Variants in CWF19L2 observed in about 807,000 individuals in gnomAD.
CWF19L2 encodes CWF19-like protein 2.
CWF19L2 carries 98 observed loss-of-function variants against 111.7 expected under a neutral mutation model. The observed-to-expected ratio is 0.88, with a 90% CI of 0.75 to 1.04. The LOEUF (loss-of-function observed/expected upper bound fraction) is 1.04, where lower values mean the gene tolerates loss of function less well. Among genes scored for constraint, CWF19L2 ranks in the 50% least tolerant of loss-of-function variants. The pLI, the probability that CWF19L2 is intolerant of heterozygous loss-of-function variation, is 0.00. For missense variants in CWF19L2, 1,101 were observed against 1,051.4 expected (o/e 1.05, Z -0.65); for synonymous variants, 351 against 342.9 (o/e 1.02, Z -0.26).
intron 12 of CWF19L2, among the ~76,000 whole-genome samples, 191 bp downstream of exon 12, chr11:107,389,880 AAAC>A (rs1223042804): frequency 2.6e-5 from 4 of 152,208 alleles, no homozygotes; most frequent in Admixed American, 6.5e-5. Context: ...ATTTAAAAAC[AAAC>A]AACATTTCAA....
At chr11:107,404,372 T>A in intron 10 of CWF19L2, 1 of 788,984 alleles carries the variant, frequency 1.3e-6, no homozygotes, top group Non-Finnish European at 2.3e-6. Flanking sequence ...GTACCTCATG[T>A]AGGGCATCAG....
chr11:107,390,012 T>A (rs544885410), intron 12 of CWF19L2, 62 bp downstream of exon 12: 3 of 1,398,744 alleles, frequency 2.1e-6, no homozygotes, highest in African/African-American at 2.9e-5. Context: ...AAAAAGCAGA[T>A]CACTGTTACA....
In CWF19L2 at chr11:107,433,621, A is replaced by G; in HGVS notation, c.780+13T>C. 1 of 1,371,502 alleles carries G rather than the reference A, an allele frequency of 7.3e-7. No individual in the cohort carries two copies. The highest frequency in any genetic ancestry group is 1.0e-6 in the Non-Finnish European group (1 of 1,002,832). The allele number at this position is 1,371,502 out of a possible 1,614,324, so 85.0% of individuals were successfully genotyped here. On this transcript the variant is annotated intron_variant, in intron 7 of 17. Coordinates refer to ENST00000282251, the MANE Select transcript of CWF19L2 (RefSeq NM_152434.3). ...CTGAAAATAAGAGGCATCTCCTTAA[A>G]ACAGATACTCACCCCATATCTTTCG...
At chr11:107,441,397 T>C (rs1861616476) in intron 5 of CWF19L2, 106 bp downstream of exon 5, 4 of 972,694 alleles carry the variant, frequency 4.1e-6, no homozygotes, top group Non-Finnish European at 5.6e-6. Flanking sequence ...TTAAATACTA[T>C]AAAAAATAAA....
chr11:107,399,231 G>A (rs763665608), intron 10 of CWF19L2, among the ~76,000 whole-genome samples: 2 of 152,058 alleles, frequency 1.3e-5, no homozygotes, highest in Non-Finnish European at 2.9e-5. Context: ...TGCTAACATC[G>A]AATGAATGTA....
At chr11:107,358,624 T>C (rs1436278650) in intron 12 of CWF19L2, among the ~76,000 whole-genome samples, 2 of 152,234 alleles carry the variant, frequency 1.3e-5, no homozygotes, top group East Asian at 1.9e-4. Context: ...TATGATTCCA[T>C]TCATATGAAA....
At chr11:107,447,821 T>C (rs11212243) in intron 3 of CWF19L2, among the ~76,000 whole-genome samples, 4,199 of 152,108 alleles carry the variant, frequency 0.028, 109 homozygotes, top group East Asian at 0.11. Flanking sequence ...AGAAAAATCA[T>C]TTAATTGAAA....
intron 14 of CWF19L2, among the ~76,000 whole-genome samples, chr11:107,346,114 A>C (rs1860076309): frequency 6.6e-6 from 1 of 152,220 alleles, no homozygotes; most frequent in South Asian, 2.1e-4. Context: ...TCACCACAGT[A>C]TGAAAAAATC....
In CWF19L2 at chr11:107,390,074, C is replaced by T; in HGVS notation, c.1872G>A (p.Lys624=). Reference sequence around the variant, plus strand: ...GAGGTATCCTAGGAATATATCTTACCTTAGATGCCATTCTCATAAAGAGCT... The same window carrying T: ...GAGGTATCCTAGGAATATATCTTACTTTAGATGCCATTCTCATAAAGAGCT... The part of the protein sequence containing the change: ...QNKLFMRMAS[K]FMGKTDGDYY... Residue 624 remains lysine (K), a splice_region_variant and synonymous_variant, in exon 12 of 18, where the codon AAG becomes AAA. Coordinates refer to ENST00000282251, the MANE Select transcript of CWF19L2 (RefSeq NM_152434.3). 3 of 1,612,198 alleles carry T rather than the reference C, an allele frequency of 1.9e-6. No homozygotes were observed.
chr11:107,355,415 C>CAA, intron 12 of CWF19L2, among the ~76,000 whole-genome samples: 1 of 141,510 alleles, frequency 7.1e-6, no homozygotes, highest in Non-Finnish European at 1.6e-5. Flanking sequence ...AACTCCGTCT[C>CAA]AAAAAAAAAA....
chr11:107,339,228 T>C (rs1335468160), intron 14 of CWF19L2, among the ~76,000 whole-genome samples: 53 of 152,216 alleles, frequency 3.5e-4, no homozygotes, highest in Admixed American at 3.4e-3. Flanking sequence ...TGTTTAACCA[T>C]ACACCTTTAC....
At chr11:107,377,791 C>T (rs1860615197) in intron 12 of CWF19L2, among the ~76,000 whole-genome samples, 2 of 130,956 alleles carry the variant, frequency 1.5e-5, no homozygotes, top group Non-Finnish European at 3.1e-5. Flanking sequence ...AAAAGAGCTT[C>T]TGCACAGCAA....
intron 3 of CWF19L2, among the ~76,000 whole-genome samples, chr11:107,451,481 C>G (rs1861777513): frequency 6.6e-6 from 1 of 151,750 alleles, no homozygotes; most frequent in Admixed American, 6.6e-5. Context: ...AACACACAAC[C>G]AGAGAAAATT....
At chr11:107,454,183 G>T (rs1437900429) in intron 3 of CWF19L2, among the ~76,000 whole-genome samples, 1 of 152,202 alleles carries the variant, frequency 6.6e-6, no homozygotes, top group Admixed American at 6.5e-5. Context: ...CCAGGTAATT[G>T]TTACAGCAGG....
chr11:107,384,544 T>G (rs903671217), intron 12 of CWF19L2, among the ~76,000 whole-genome samples: 2 of 152,244 alleles, frequency 1.3e-5, no homozygotes, highest in African/African-American at 4.8e-5. Flanking sequence ...ATGTTCAACC[T>G]GTATCTAAAT....
Position 107,392,825 on chromosome 11 carries a change from G to A in CWF19L2, c.1688C>T (p.Pro563Leu). 1 of 1,595,792 alleles carries A rather than the reference G, an allele frequency of 6.3e-7. No homozygotes were observed. Among genetic ancestry groups the A allele is most frequent in the East Asian group, 2.3e-5 (1 of 43,178 alleles). ...QSGRVWPVNT[P>L]GKSLESQGGR... Reference sequence around the variant, plus strand: ...TCCTTGTGATTCCAGAGATTTTCCGGGTGTGTTCACAGGCCATACTCTTCC... The same window carrying A: ...TCCTTGTGATTCCAGAGATTTTCCGAGTGTGTTCACAGGCCATACTCTTCC... Residue 563 changes from proline to leucine, a missense_variant, in exon 11 of 18, where the codon CCC becomes CTC. Pro to Leu is a moderately conservative substitution (Grantham distance 98). Coordinates refer to ENST00000282251, the MANE Select transcript of CWF19L2 (RefSeq NM_152434.3).
At chr11:107,452,793 C>T (rs1461944003) in intron 3 of CWF19L2, among the ~76,000 whole-genome samples, 1 of 152,132 alleles carries the variant, frequency 6.6e-6, no homozygotes, top group Non-Finnish European at 1.5e-5. Flanking sequence ...GAGTTCGAGA[C>T]CAGCCTCGAC....
At chr11:107,380,876 T>C (rs1860675802) in intron 12 of CWF19L2, among the ~76,000 whole-genome samples, 1 of 152,204 alleles carries the variant, frequency 6.6e-6, no homozygotes, top group Non-Finnish European at 1.5e-5. Context: ...AATAGAGTTA[T>C]TCAGCCTTAA....
At chr11:107,370,058 T>G (rs1035127304) in intron 12 of CWF19L2, among the ~76,000 whole-genome samples, 1 of 137,370 alleles carries the variant, frequency 7.3e-6, no homozygotes, top group Non-Finnish European at 1.6e-5. Flanking sequence ...TCCAACAAAG[T>G]CAACAGTCCT....
Sources: allele counts gnomAD v4.1 joint callset (sites outside exome capture counted in the v4.1 genomes callset), GRCh38; gene constraint gnomAD v4.1.1; transcripts MANE v1.5; gene names NCBI Gene and HGNC (gene_info 2026-07-23, HGNC 2026-07-21).